The following TRPS1 variants were observed in gnomAD, a reference collection of about 807,000 sequenced individuals.
TRPS1 encodes the protein transcriptional repressor GATA binding 1.
TRPS1 carries 6 observed loss-of-function variants against 101.2 expected under a neutral mutation model. That is an observed-to-expected ratio of 0.06 (90% CI 0.03 to 0.12). The LOEUF is 0.12. TRPS1 is among the 10% of genes least tolerant of loss of function. The pLI is 1.00. For missense variants in TRPS1, 1,363 were observed against 1,567.0 expected (o/e 0.87, Z 2.20); for synonymous variants, 578 against 589.8 (o/e 0.98, Z 0.29).
chr8:115,521,569 A>G lies in TRPS1; in HGVS notation c.2700+65432T>C, dbSNP rs1450543677. 3.3e-5 allele frequency among the ~76,000 whole-genome samples: 5 copies of G among 152,012 alleles called. No individual in the cohort carries two copies. In the East Asian group the frequency reaches 9.7e-4, roughly 29 times the overall value. ...GTTTTCCTATATCCACGATGTGTTA[A>G]TAAATTATACAATAATATCTCTAAT... On this transcript the variant is annotated intron_variant, in intron 5 of 6. Transcript: ENST00000395715.
intron 5 of TRPS1, among the ~76,000 whole-genome samples, chr8:115,580,131 C>T (rs1193005113): frequency 1.3e-5 from 2 of 151,512 alleles, no homozygotes; most frequent in Non-Finnish European, 2.9e-5. Flanking sequence ...ACCTAGCTTG[C>T]CAAGCTTCCT....
chr8:115,666,608 T>G (rs1314304858), intron 1 of TRPS1, among the ~76,000 whole-genome samples: 1 of 152,212 alleles, frequency 6.6e-6, no homozygotes. Flanking sequence ...GTCCCTTGCA[T>G]TTTTAACTCT....
Position 115,599,845 on chromosome 8 carries a change from C to T in TRPS1, c.2096+4028G>A, listed in dbSNP as rs186269156. The stretch of plus-strand genomic sequence containing the variant: ...TAGTAGAATGATTTATAATCCTTTG[C>T]GTATATACCCAGTAATGGGATTGCT... On this transcript the variant is annotated intron_variant, in intron 4 of 6. Coordinates refer to ENST00000395715, the MANE Select transcript of TRPS1 (RefSeq NM_014112.5). Among the ~76,000 whole-genome samples the T allele has an allele frequency of 2.6e-3, 387 of 151,316 alleles. 4 individuals are homozygous for T. The highest frequency in any genetic ancestry group is 7.7e-3 in the East Asian group (39 of 5,066).
At chr8:115,625,020 T>A (rs1350504868) in intron 1 of TRPS1, among the ~76,000 whole-genome samples, 1 of 151,818 alleles carries the variant, frequency 6.6e-6, no homozygotes, top group Non-Finnish European at 1.5e-5. Flanking sequence ...CAATAGATAA[T>A]CAAATAAATT....
chr8:115,633,542 C>T (rs771211576), intron 1 of TRPS1, among the ~76,000 whole-genome samples: 23 of 152,196 alleles, frequency 1.5e-4, no homozygotes, highest in Admixed American at 2.6e-4. Context: ...TACTGGCTCA[C>T]GTAATTTCCC....
chr8:115,450,802 G>C (rs778926807), intron 5 of TRPS1, among the ~76,000 whole-genome samples: 20 of 152,126 alleles, frequency 1.3e-4, no homozygotes, highest in Non-Finnish European at 1.6e-4. Flanking sequence ...GCAGAGCCTT[G>C]GGACAGCGTT....
intron 1 of TRPS1, among the ~76,000 whole-genome samples, chr8:115,645,310 C>T (rs952163173): frequency 1.3e-5 from 2 of 152,160 alleles, no homozygotes; most frequent in Admixed American, 1.3e-4. Context: ...GTACACCCTA[C>T]AGTGGCTATG....
At chr8:115,422,280 C>G (rs1327815695) in intron 5 of TRPS1, among the ~76,000 whole-genome samples, 2 of 151,974 alleles carry the variant, frequency 1.3e-5, no homozygotes, top group East Asian at 3.9e-4. Context: ...TCCATTCAGG[C>G]TGACAAATTA....
At chr8:115,423,509 A>T (rs1305098952) in intron 5 of TRPS1, among the ~76,000 whole-genome samples, 1 of 151,728 alleles carries the variant, frequency 6.6e-6, no homozygotes, top group Non-Finnish European at 1.5e-5. Context: ...TAGATATAGA[A>T]AATGACATAC....
intron 5 of TRPS1, chr8:115,511,428 A>G (rs181440039): frequency 6.6e-6 from 1 of 151,996 alleles, no homozygotes; most frequent in African/African-American, 2.4e-5. Flanking sequence ...TTGGGTGTCT[A>G]TGTCATTCAT....
intron 3 of TRPS1, among the ~76,000 whole-genome samples, chr8:115,613,719 T>A (rs1025441019): frequency 3.3e-5 from 5 of 152,206 alleles, no homozygotes; most frequent in Admixed American, 6.5e-5. Flanking sequence ...AGTTCATTAA[T>A]ACATGTAAAA....
chr8:115,436,929 TA>T lies in TRPS1; in HGVS notation c.2701-18478del, dbSNP rs200253060. The stretch of plus-strand genomic sequence containing the variant: ...GTACCAGAAGTAAAGCAGTAAAAAA[TA>T]AAAAAAAAGTCAATACATTTCATAG... On this transcript the variant is annotated intron_variant, in intron 5 of 6. Coordinates refer to ENST00000395715, the MANE Select transcript of TRPS1 (RefSeq NM_014112.5). Among the ~76,000 whole-genome samples the T allele has an allele frequency of 2.3e-3, 311 of 136,608 alleles. 1 individual carries two copies. Among genetic ancestry groups the T allele is most frequent in the African/African-American group, 7.3e-3 (293 of 40,240 alleles). 89.6% of individuals were successfully genotyped at this position (136,608 alleles called of 152,430 possible).
At chr8:115,423,635 C>A (rs990486996) in intron 5 of TRPS1, among the ~76,000 whole-genome samples, 1 of 152,062 alleles carries the variant, frequency 6.6e-6, no homozygotes, top group Non-Finnish European at 1.5e-5. Context: ...AAACAAAACA[C>A]AACACCTTTT....
intron 5 of TRPS1, among the ~76,000 whole-genome samples, chr8:115,515,792 T>A (rs935682381): frequency 6.6e-6 from 1 of 151,500 alleles, no homozygotes; most frequent in Admixed American, 6.6e-5. Flanking sequence ...TATTGACTGC[T>A]AACCTTAGCT....
At chr8:115,426,841 T>A (rs1205782540) in intron 5 of TRPS1, among the ~76,000 whole-genome samples, 1 of 152,166 alleles carries the variant, frequency 6.6e-6, no homozygotes, top group Non-Finnish European at 1.5e-5. Context: ...CAGTTCAGAT[T>A]TACGGTGAAT....
intron 1 of TRPS1, among the ~76,000 whole-genome samples, chr8:115,659,675 G>A (rs1811750757): frequency 6.6e-6 from 1 of 151,952 alleles, no homozygotes; most frequent in Non-Finnish European, 1.5e-5. Context: ...AGAGTATTGA[G>A]AGAAAATGGG....
chr8:115,450,825 C>T (rs1365988867), intron 5 of TRPS1, among the ~76,000 whole-genome samples: 2 of 152,184 alleles, frequency 1.3e-5, no homozygotes, highest in African/African-American at 2.4e-5. Context: ...AGTGTTCACA[C>T]CTTACAAAAA....
chr8:115,430,884 T>A (rs1329255758), intron 5 of TRPS1, among the ~76,000 whole-genome samples: 1 of 151,998 alleles, frequency 6.6e-6, no homozygotes, highest in African/African-American at 2.4e-5. Flanking sequence ...CATGAGTTTC[T>A]TACATAGTGG....
chr8:115,629,588 T>A (rs1465276003), intron 1 of TRPS1, among the ~76,000 whole-genome samples: 1 of 151,880 alleles, frequency 6.6e-6, no homozygotes, highest in Non-Finnish European at 1.5e-5. Flanking sequence ...TAAAACCTTA[T>A]ATGCCAAATT....
Sources: gnomAD v4.1 joint callset for allele counts (sites outside exome capture counted in the v4.1 genomes callset) on GRCh38, gnomAD v4.1.1 for gene constraint, MANE v1.5 for transcripts, NCBI Gene and HGNC (gene_info 2026-07-23, HGNC 2026-07-21) for gene names.